The following GRID2IP variants were observed in gnomAD, a reference collection of about 807,000 sequenced individuals.
GRID2IP encodes the protein delphilin.
In GRID2IP, 78 loss-of-function variants were observed where a neutral mutation model predicts 114.3. The observed-to-expected ratio is 0.68, with a 90% CI of 0.57 to 0.82. The LOEUF is 0.82. Among genes scored for constraint, GRID2IP ranks in the 40% least tolerant of loss-of-function variants. The pLI, the probability that GRID2IP is intolerant of heterozygous loss-of-function variation, is 0.00. For synonymous variants in GRID2IP, 809 were observed against 724.0 expected, an observed-to-expected ratio of 1.12 and a Z score of -1.89; for missense variants, 1,727 against 1,678.5, an observed-to-expected ratio of 1.03 and a Z score of -0.51.
Position 6,519,111 on chromosome 7 carries a change from C to G in GRID2IP, c.1268+1467G>C, listed in dbSNP as rs913539337. 6.6e-5 allele frequency among the ~76,000 whole-genome samples: 10 copies of G among 151,916 alleles called. No homozygotes were observed. The highest frequency in any genetic ancestry group is 1.2e-4 in the Non-Finnish European group (8 of 67,976). On this transcript the variant is annotated intron_variant, in intron 7 of 21. Coordinates refer to ENST00000457091, the MANE Select transcript of GRID2IP (RefSeq NM_001145118.2). The surrounding 1 kb of genome is among the most constrained non-coding windows in gnomAD (Gnocchi z 4.1). The stretch of plus-strand genomic sequence containing the variant: ...TTTTTTCTTTTTGTAGAGATGGCTT[C>G]TTGCTCTGTTGCCCAGACTGGTTTT...
At position 6,539,855 on chromosome 7, in the gene GRID2IP, C is replaced by A. The variant is rs2115096968; in HGVS notation, c.447G>T (p.Gly149=). 1 of 1,551,242 alleles carries A rather than the reference C, an allele frequency of 6.4e-7. No individual in the cohort carries two copies. The highest frequency in any genetic ancestry group is 1.4e-5 in the African/African-American group (1 of 73,140). ...EFSRKVDEIL[G]DQPTAKEQVF... The stretch of plus-strand genomic sequence containing the variant: ...CCTGCTCCTTGGCAGTTGGCTGGTC[C>A]CCCAAGATTTCATCCACCTGCAAGG... The change falls in exon 2 of 22, where the codon GGG becomes GGT. Residue 149 remains glycine (G), a synonymous_variant. Coordinates refer to ENST00000457091, the MANE Select transcript of GRID2IP (RefSeq NM_001145118.2).
In GRID2IP at chr7:6,523,585, T is replaced by C. The variant is rs1320652663; in HGVS notation, c.920-1628A>G. 6.6e-6 allele frequency among the ~76,000 whole-genome samples: 1 copy of C among 152,128 alleles called. No homozygotes were observed. Among genetic ancestry groups the C allele is most frequent in the Non-Finnish European group, 1.5e-5 (1 of 68,022 alleles). ...CAGACCTGGATTTTTTTTTCTTTTT[T>C]TGAGACAGGGTCTTGCTCTGTCACC... On this transcript the variant is annotated intron_variant, in intron 4 of 21. Transcript: ENST00000457091. This position sits in a 1 kb window ranked among gnomAD's most constrained non-coding sequence, Gnocchi z 4.5.
intron 2 of GRID2IP, among the ~76,000 whole-genome samples, chr7:6,538,536 C>T (rs1243272667): frequency 1.3e-5 from 2 of 150,506 alleles, no homozygotes; most frequent in Non-Finnish European, 2.9e-5. Flanking sequence ...CACTGCCCTC[C>T]TGCCTGGGCG....
At chr7:6,498,907 G>C (rs1219442056) in intron 20 of GRID2IP, among the ~76,000 whole-genome samples, 1 of 152,040 alleles carries the variant, frequency 6.6e-6, no homozygotes. Context: ...CTGTTTTCTA[G>C]AGCATTTGTC....
chr7:6,538,766 C>T (rs181152249), intron 2 of GRID2IP, among the ~76,000 whole-genome samples: 88 of 151,638 alleles, frequency 5.8e-4, no homozygotes, highest in African/African-American at 1.9e-3. Flanking sequence ...CTCAACTACT[C>T]GGGAGGTTGA....
At chr7:6,542,026 G>A (rs1448153613) in intron 1 of GRID2IP, among the ~76,000 whole-genome samples, 1 of 152,122 alleles carries the variant, frequency 6.6e-6, no homozygotes, top group East Asian at 1.9e-4. Context: ...TCTCAGCCAG[G>A]CGCGGTGGCT....
chr7:6,505,612 A>G (rs1179795872), intron 14 of GRID2IP, among the ~76,000 whole-genome samples: 1 of 152,024 alleles, frequency 6.6e-6, no homozygotes, highest in Non-Finnish European at 1.5e-5. Flanking sequence ...CAGGCGATCC[A>G]CCCACCTCAG....
Position 6,497,415 on chromosome 7 carries a change from T to G in GRID2IP, c.*359A>C. On this transcript the variant is annotated 3_prime_UTR_variant, in exon 22 of 22. Transcript: ENST00000457091. ...TCACAGGGACCCACTAGGAGCAGGA[T>G]CAGAAAAAAGGTCCACATGTCCCAG... 1.1e-5 allele frequency: 2 copies of G among 185,530 alleles called. No individual in the cohort carries two copies. The highest frequency in any genetic ancestry group is 6.1e-5 in the Admixed American group (1 of 16,404). 11.5% of individuals were successfully genotyped at this position (185,530 alleles called of 1,614,324 possible). A position where few individuals can be genotyped will look rare whatever the true frequency, so the allele number is the denominator to read the frequency against.
At chr7:6,498,282 A>C (rs79970150) in intron 20 of GRID2IP, 54 bp from the exon 21 acceptor site, 2 of 1,478,768 alleles carry the variant, frequency 1.4e-6, no homozygotes, top group Non-Finnish European at 9.0e-7. Context: ...CCAGGGTCTC[A>C]GGTGGTGGCC....
intron 1 of GRID2IP, among the ~76,000 whole-genome samples, chr7:6,546,749 G>A (rs1282463463): frequency 1.1e-4 from 17 of 151,978 alleles, no homozygotes; most frequent in Admixed American, 1.1e-3. Context: ...GGCCTGGGCA[G>A]CCTGTCGGAT....
intron 1 of GRID2IP, among the ~76,000 whole-genome samples, chr7:6,544,576 G>A (rs1351342880): frequency 6.6e-6 from 1 of 151,882 alleles, no homozygotes; most frequent in Non-Finnish European, 1.5e-5. Flanking sequence ...CACTGTGCCC[G>A]GCCTGCATGG....
At chr7:6,539,983 T>A (rs190813291) in intron 1 of GRID2IP, 111 bp from the exon 2 acceptor site, 24 of 915,146 alleles carry the variant, frequency 2.6e-5, no homozygotes, top group Non-Finnish European at 4.0e-5. Context: ...ATGGCTGACG[T>A]GGGCGTACCA....
Position 6,516,551 on chromosome 7 carries a change from C to G in GRID2IP, c.1269-2022G>C, listed in dbSNP as rs6977870. Among the ~76,000 whole-genome samples, 54,490 of 151,854 alleles carry G rather than the reference C, an allele frequency of 0.36. 11,854 individuals carry two copies. Among genetic ancestry groups the G allele is most frequent in the Non-Finnish European group, 0.5 (34,095 of 67,916 alleles). On this transcript the variant is annotated intron_variant, in intron 7 of 21. Coordinates refer to ENST00000457091, the MANE Select transcript of GRID2IP (RefSeq NM_001145118.2). The surrounding 1 kb of genome is among the most constrained non-coding windows in gnomAD (Gnocchi z 4.3). The stretch of plus-strand genomic sequence containing the variant: ...GGTAACGCCAGTGCCTGGGAAGGCA[C>G]CCGTTGCTTAGCAGACCGGGAAAGG...
chr7:6,499,801 C>T (rs1441500433), intron 20 of GRID2IP, among the ~76,000 whole-genome samples: 2 of 151,988 alleles, frequency 1.3e-5, no homozygotes, highest in Non-Finnish European at 2.9e-5. Flanking sequence ...GTGATCATAC[C>T]TCACTGTAAC....
At position 6,503,483 on chromosome 7, in the gene GRID2IP, C is replaced by A; in HGVS notation, c.2907+8G>T. 3 of 1,515,692 alleles carry A rather than the reference C, an allele frequency of 2.0e-6. No individual in the cohort carries two copies. In the South Asian group the frequency reaches 3.6e-5, roughly 18 times the overall value. 93.9% of individuals were successfully genotyped at this position (1,515,692 alleles called of 1,614,324 possible). A position where few individuals can be genotyped will look rare whatever the true frequency, so the allele number is the denominator to read the frequency against. The stretch of plus-strand genomic sequence containing the variant: ...CGAGGCCTCGGGGCGGGGTTGTGGT[C>A]GCGGCACCTGCAGGACGAACTGGTC... On this transcript the variant is annotated splice_region_variant and intron_variant, in intron 16 of 21. Coordinates refer to ENST00000457091, the MANE Select transcript of GRID2IP (RefSeq NM_001145118.2).
At chr7:6,501,683 G>A (rs1786419009) in intron 20 of GRID2IP, 98 bp downstream of exon 20, 1 of 824,306 alleles carries the variant, frequency 1.2e-6, no homozygotes, top group South Asian at 1.5e-5. Flanking sequence ...AATCTCTGCT[G>A]GAAGTCGAGG....
rs1038000342 is a variant in GRID2IP, at chr7:6,533,119, T to C, written c.585-6350A>G. Among the ~76,000 whole-genome samples the C allele has an allele frequency of 2.2e-4, 34 of 152,186 alleles. 1 individual carries two copies. Among genetic ancestry groups the C allele is most frequent in the Non-Finnish European group, 2.9e-5 (2 of 68,028 alleles). On this transcript the variant is annotated intron_variant, in intron 2 of 21. Coordinates refer to ENST00000457091, the MANE Select transcript of GRID2IP (RefSeq NM_001145118.2). ...ATTTTGTTTGTTACAAAATGACAAC[T>C]GACAGGGGTTGTGCTACTGGCATCT...
intron 1 of GRID2IP, among the ~76,000 whole-genome samples, chr7:6,549,766 C>T (rs949053351): frequency 3.8e-4 from 57 of 151,696 alleles, no homozygotes; most frequent in Non-Finnish European, 6.0e-4. Context: ...GCACCACAGG[C>T]GCGCGCCACC....
rs1279085751 is a variant in GRID2IP, at chr7:6,510,372, G to T, written c.1682C>A (p.Ser561Tyr). Residue 561 changes from serine (S) to tyrosine (Y), a missense_variant, in exon 11 of 22, where the codon TCT (serine) becomes TAT (tyrosine). Ser to Tyr is a moderately radical substitution (Grantham distance 144). Transcript: ENST00000457091. The stretch of plus-strand genomic sequence containing the variant: ...CCCTTTGAAGCTGCTGTTCAGTCGA[G>T]ACTCAAGCTCTGCATAGACGGCTGA... ...MMSAVYAELE[S>Y]RLNSSFKGKM... 1.4e-5 allele frequency: 22 copies of T among 1,545,396 alleles called. No individual in the cohort carries two copies. Among genetic ancestry groups the T allele is most frequent in the Non-Finnish European group, 1.9e-5 (22 of 1,144,242 alleles).
Sources: gnomAD v4.1 joint callset for allele counts (sites outside exome capture counted in the v4.1 genomes callset) on GRCh38, gnomAD v4.1.1 for gene constraint, Gnocchi (gnomAD v3.1) non-coding constraint, MANE v1.5 for transcripts, NCBI Gene and HGNC (gene_info 2026-07-23, HGNC 2026-07-21) for gene names.